NCAM2: variants seen among roughly 807,000 people sequenced by gnomAD.
The protein encoded by NCAM2 is neural cell adhesion molecule 2.
In NCAM2, 30 loss-of-function variants were observed where a neutral mutation model predicts 98.1. The observed-to-expected ratio is 0.31, with a 90% CI of 0.23 to 0.41. The LOEUF (loss-of-function observed/expected upper bound fraction) is 0.41, where lower values mean the gene tolerates loss of function less well. Among genes scored for constraint, NCAM2 ranks in the 10% least tolerant of loss-of-function variants. The pLI is 1.00. For missense variants in NCAM2, 867 were observed against 1,005.8 expected, an observed-to-expected ratio of 0.86 and a Z score of 1.87; for synonymous variants, 368 against 342.4, an observed-to-expected ratio of 1.07 and a Z score of -0.83.
intron 1 of NCAM2, among the ~76,000 whole-genome samples, chr21:21,037,366 A>G (rs577266593): frequency 9.1e-4 from 138 of 152,292 alleles, no homozygotes; most frequent in African/African-American, 3.2e-3. Context: ...ATAGTTTTCC[A>G]TGTTTTCCTG....
chr21:21,361,725 A>G (rs1184198588), intron 8 of NCAM2, among the ~76,000 whole-genome samples: 1 of 152,118 alleles, frequency 6.6e-6, no homozygotes, highest in Non-Finnish European at 1.5e-5. Context: ...CTTGGATATT[A>G]AATAAATCTT....
At chr21:21,061,885 A>G (rs1405116012) in intron 1 of NCAM2, among the ~76,000 whole-genome samples, 2 of 152,098 alleles carry the variant, frequency 1.3e-5, no homozygotes, top group Non-Finnish European at 2.9e-5. Context: ...ACATCACAGG[A>G]ATATTACCAG....
At chr21:21,138,786 A>G (rs969572309) in intron 1 of NCAM2, among the ~76,000 whole-genome samples, 1 of 152,174 alleles carries the variant, frequency 6.6e-6, no homozygotes, top group Non-Finnish European at 1.5e-5. Context: ...ATAGATATAT[A>G]TATTTTTTGC....
chr21:21,495,099 G>A (rs1317217441), intron 15 of NCAM2, among the ~76,000 whole-genome samples: 8 of 151,896 alleles, frequency 5.3e-5, no homozygotes, highest in South Asian at 4.2e-4. Context: ...GAGGGATTGT[G>A]TAGATATTTT....
At chr21:21,055,467 A>G (rs1162085930) in intron 1 of NCAM2, among the ~76,000 whole-genome samples, 2 of 152,118 alleles carry the variant, frequency 1.3e-5, no homozygotes, top group Non-Finnish European at 2.9e-5. Flanking sequence ...TTAATGTATT[A>G]ATAGGAGACT....
At chr21:21,222,547 G>A (rs2070212706) in intron 1 of NCAM2, among the ~76,000 whole-genome samples, 2 of 152,144 alleles carry the variant, frequency 1.3e-5, no homozygotes, top group Admixed American at 1.3e-4. Context: ...TTATCAGTCA[G>A]AATGTAACTT....
chr21:21,121,257 CTTCTT>C (rs2066669734), intron 1 of NCAM2, among the ~76,000 whole-genome samples: 1 of 151,886 alleles, frequency 6.6e-6, no homozygotes, highest in Non-Finnish European at 1.5e-5. Context: ...CAGATCATTC[CTTCTT>C]TTCTTTGTCC....
At chr21:21,524,535 A>C (rs1377360045) in intron 16 of NCAM2, among the ~76,000 whole-genome samples, 1 of 152,038 alleles carries the variant, frequency 6.6e-6, no homozygotes, top group African/African-American at 2.4e-5. Context: ...TGTAACAAAA[A>C]AAAAGGGGGT....
chr21:21,099,752 G>A (rs969862412), intron 1 of NCAM2, among the ~76,000 whole-genome samples: 1 of 151,848 alleles, frequency 6.6e-6, no homozygotes, highest in Non-Finnish European at 1.5e-5. Context: ...GTCAACAGCA[G>A]TATTGCCAGT....
chr21:21,252,951 G>T (rs964032544), intron 1 of NCAM2, among the ~76,000 whole-genome samples: 1 of 151,994 alleles, frequency 6.6e-6, no homozygotes, highest in African/African-American at 2.4e-5. Context: ...TCTTACTCCA[G>T]ATTGTCAAAT....
chr21:21,427,231 A>G (rs2077233249), intron 11 of NCAM2, among the ~76,000 whole-genome samples: 1 of 152,166 alleles, frequency 6.6e-6, no homozygotes, highest in African/African-American at 2.4e-5. Context: ...AAAACAAAAA[A>G]AAGAGATCTT....
chr21:21,134,110 C>T (rs1476607998), intron 1 of NCAM2, among the ~76,000 whole-genome samples: 1 of 150,702 alleles, frequency 6.6e-6, no homozygotes, highest in Non-Finnish European at 1.5e-5. Flanking sequence ...GCTCTGTCAC[C>T]CAGGCTGGAG....
chr21:21,483,243 A>G (rs1473961935), intron 15 of NCAM2, among the ~76,000 whole-genome samples: 1 of 152,084 alleles, frequency 6.6e-6, no homozygotes, highest in African/African-American at 2.4e-5. Flanking sequence ...GACTATCAAT[A>G]TAATTTGATG....
chr21:21,312,887 TG>T (rs983405496), intron 5 of NCAM2, among the ~76,000 whole-genome samples: 1 of 151,862 alleles, frequency 6.6e-6, no homozygotes, highest in Non-Finnish European at 1.5e-5. Flanking sequence ...TTTAAATAAA[TG>T]TATTTTTTAT....
chr21:21,526,424 T>C (rs1327862927), intron 16 of NCAM2, among the ~76,000 whole-genome samples: 1 of 152,044 alleles, frequency 6.6e-6, no homozygotes, highest in African/African-American at 2.4e-5. Flanking sequence ...GCTAATAAAA[T>C]ATGTACAAGA....
At chr21:21,487,391 AT>A (rs5842932) in intron 15 of NCAM2, among the ~76,000 whole-genome samples, 51 of 150,498 alleles carry the variant, frequency 3.4e-4, no homozygotes, top group African/African-American at 5.9e-4. Flanking sequence ...CCATCCAATG[AT>A]TTTTTTTTCA....
chr21:21,079,366 A>G (rs2065745652), intron 1 of NCAM2, among the ~76,000 whole-genome samples: 1 of 152,292 alleles, frequency 6.6e-6, no homozygotes, highest in Admixed American at 6.5e-5. Flanking sequence ...GTGAGAAGCT[A>G]TGACAGAATT....
chr21:21,192,083 C>A (rs1196145518), intron 1 of NCAM2, among the ~76,000 whole-genome samples: 1 of 152,032 alleles, frequency 6.6e-6, no homozygotes, highest in Admixed American at 6.6e-5. Flanking sequence ...ATTATCCTGG[C>A]ATGGTGGCGC....
At chr21:21,035,211 T>C (rs796366754) in intron 1 of NCAM2, among the ~76,000 whole-genome samples, 8 of 152,328 alleles carry the variant, frequency 5.3e-5, no homozygotes, top group African/African-American at 1.7e-4. Context: ...CAAAGCAATC[T>C]GGATATATCT....
Sources: gnomAD v4.1 joint callset for allele counts (sites outside exome capture counted in the v4.1 genomes callset) on GRCh38, gnomAD v4.1.1 for gene constraint, MANE v1.5 for transcripts, NCBI Gene and HGNC (gene_info 2026-07-23, HGNC 2026-07-21) for gene names.